FADS2: variants seen among roughly 807,000 people sequenced by gnomAD.
FADS2 encodes fatty acid desaturase 2, also known as acyl-CoA 6-desaturase.
In FADS2, 18 loss-of-function variants were observed where a neutral mutation model predicts 61.2. The observed-to-expected ratio is 0.29, with a 90% CI of 0.20 to 0.44. FADS2 has a LOEUF of 0.44. Ranked by LOEUF, FADS2 falls within the 20% of genes least tolerant of loss-of-function variation. The probability of loss-of-function intolerance (pLI) is 1.00; values close to 1 mark genes in which losing one functional copy is unlikely to be tolerated. For synonymous variants in FADS2, 203 were observed against 223.9 expected (o/e 0.91, Z 0.83); for missense variants, 322 against 572.7 (o/e 0.56, Z 4.47).
Position 61,816,844 on chromosome 11 carries a change from T to A in FADS2, c.141+418T>A. ...CCGCGGGCTCCAGGAGTGGATTTGC[T>A]GGCGCGCGCCCAGAGCCAGCCGCCT... On this transcript the variant is annotated intron_variant, in intron 1 of 11. Transcript: ENST00000257261. The surrounding 1 kb of genome is among the most constrained non-coding windows in gnomAD (Gnocchi z 7.0). 6.7e-7 allele frequency: 1 copy of A among 1,487,736 alleles called. No homozygotes were observed. Among genetic ancestry groups the A allele is most frequent in the Non-Finnish European group, 8.9e-7 (1 of 1,129,074 alleles). 92.2% of individuals were successfully genotyped at this position (1,487,736 alleles called of 1,614,324 possible).
Position 61,857,538 on chromosome 11 carries a change from G to A in FADS2, c.882+8G>A, listed in dbSNP as rs1160573118. 1 of 1,611,806 alleles carries A rather than the reference G, an allele frequency of 6.2e-7. No homozygotes were observed. Among genetic ancestry groups the A allele is most frequent in the Non-Finnish European group, 8.5e-7 (1 of 1,178,102 alleles). On this transcript the variant is annotated splice_region_variant and intron_variant, in intron 7 of 11. Coordinates refer to ENST00000278840, the MANE Select transcript of FADS2 (RefSeq NM_004265.4). Reference sequence around the variant, plus strand: ...GTCCATAAGAACTGGGTGGTGAGTTGGGGACACAGCTGGCTTGGCATGGGG... The same window carrying A: ...GTCCATAAGAACTGGGTGGTGAGTTAGGGACACAGCTGGCTTGGCATGGGG...
At chr11:61,833,400 G>A (rs961784163) in intron 1 of FADS2, among the ~76,000 whole-genome samples, 25 of 152,200 alleles carry the variant, frequency 1.6e-4, no homozygotes, top group East Asian at 5.8e-4. Flanking sequence ...TTCTGCCAGC[G>A]TTTGAGACAC....
intron 5 of FADS2, among the ~76,000 whole-genome samples, chr11:61,852,578 A>G (rs1399185536): frequency 6.6e-6 from 1 of 151,972 alleles, no homozygotes; most frequent in African/African-American, 2.4e-5. Flanking sequence ...GTACTTCTTT[A>G]TATGTCTCAT....
At chr11:61,847,022 C>T (rs1232531886) in intron 4 of FADS2, 1 of 151,504 alleles carries the variant, frequency 6.6e-6, no homozygotes, top group African/African-American at 2.4e-5. Flanking sequence ...TGATCTCTGC[C>T]TCCCGGGTTC....
intron 1 of FADS2, among the ~76,000 whole-genome samples, chr11:61,820,509 G>A (rs1055350206): frequency 7.2e-5 from 11 of 152,040 alleles, no homozygotes; most frequent in African/African-American, 2.7e-4. Context: ...CCTCCCTAAC[G>A]AGCTTATAAT....
chr11:61,865,468 T>A lies in FADS2; in HGVS notation c.1284-170T>A. On this transcript the variant is annotated intron_variant, in intron 11 of 11. Transcript: ENST00000278840. This position sits in a 1 kb window ranked among gnomAD's most constrained non-coding sequence, Gnocchi z 4.1. ...GAAGACCATCCCTTTCTGTGTGGGG[T>A]TCCTGGTGGGCTCTGAGCTGACAGC... 1.0e-6 allele frequency: 1 copy of A among 960,344 alleles called. No individual in the cohort carries two copies. The highest frequency in any genetic ancestry group is 2.6e-5 in the East Asian group (1 of 37,832). 59.5% of individuals were successfully genotyped at this position (960,344 alleles called of 1,614,324 possible).
upstream of FADS2, among the ~76,000 whole-genome samples, chr11:61,823,388 G>A (rs931709977): frequency 2.0e-5 from 3 of 152,152 alleles, no homozygotes; most frequent in East Asian, 1.9e-4. Flanking sequence ...TATGGGTTTC[G>A]GATCCCTTAT....
In FADS2 at chr11:61,853,822, C is replaced by T. The variant is rs1239914156; in HGVS notation, c.745-3189C>T. 2.6e-5 allele frequency among the ~76,000 whole-genome samples: 4 copies of T among 152,144 alleles called. 1 individual carries two copies. In the East Asian group the frequency reaches 5.8e-4, roughly 22 times the overall value. ...GTTTGCAGGTTCCCAGAGGCAGAGA[C>T]TGGGCTTTGCGACAGCTCCCCTCCC... On this transcript the variant is annotated intron_variant, in intron 5 of 11. Transcript: ENST00000278840.
Position 61,828,640 on chromosome 11 carries a change from G to A in FADS2, c.207+43G>A. The A allele has an allele frequency of 6.4e-7, 1 of 1,562,198 alleles. No homozygotes were observed. The highest frequency in any genetic ancestry group is 8.7e-7 in the Non-Finnish European group (1 of 1,144,934). Reference sequence around the variant, plus strand: ...CCCCAGCCACCCTTCTCTGCTGCAGGCGGAGTCAGGATCCCTGGCTCCCCG... The same window carrying A: ...CCCCAGCCACCCTTCTCTGCTGCAGACGGAGTCAGGATCCCTGGCTCCCCG... On this transcript the variant is annotated intron_variant, in intron 1 of 11. Transcript: ENST00000278840. This position sits in a 1 kb window ranked among gnomAD's most constrained non-coding sequence, Gnocchi z 6.4.
At chr11:61,863,882 T>C (rs2067438790) in intron 10 of FADS2, 96 bp downstream of exon 10, 1 of 996,900 alleles carries the variant, frequency 1.0e-6, no homozygotes, top group Non-Finnish European at 1.6e-6. Context: ...GGGCCACCTC[T>C]TTGTCTCTCT....
chr11:61,848,319 G>A (rs1299301967), intron 5 of FADS2, 35 bp downstream of exon 5: 13 of 1,610,610 alleles, frequency 8.1e-6, no homozygotes, highest in African/African-American at 1.3e-5. Flanking sequence ...CCTAGGAAGT[G>A]TTTGTCCTGG....
At chr11:61,855,918 TG>T (rs1196205526) in intron 5 of FADS2, 2 of 152,356 alleles carry the variant, frequency 1.3e-5, no homozygotes, top group African/African-American at 4.8e-5. Flanking sequence ...GGCAGTGTCC[TG>T]GGGTCAGCAC....
At chr11:61,820,997 G>A (rs376226840) in intron 1 of FADS2, among the ~76,000 whole-genome samples, 1 of 152,128 alleles carries the variant, frequency 6.6e-6, no homozygotes, top group Non-Finnish European at 1.5e-5. Context: ...GGCAAATGTC[G>A]TGTTGCCCTC....
chr11:61,844,096 C>T (rs1375254171), intron 4 of FADS2, among the ~76,000 whole-genome samples: 3 of 152,066 alleles, frequency 2.0e-5, no homozygotes, highest in African/African-American at 7.2e-5. Flanking sequence ...GTTCGTGTGT[C>T]ATTTTTTAAT....
chr11:61,861,365 A>AAAAAC (rs1555078419), intron 7 of FADS2, among the ~76,000 whole-genome samples: 15,612 of 130,814 alleles, frequency 0.12, 1,869 homozygotes, highest in Admixed American at 0.13. Flanking sequence ...AAAAAAAAAA[A>AAAAAC]AAAAAACAGA....
intron 6 of FADS2, 56 bp downstream of exon 6, chr11:61,857,127 C>A (rs374558244): frequency 2.1e-6 from 3 of 1,401,480 alleles, no homozygotes; most frequent in East Asian, 2.3e-5. Context: ...CCCAGAGTGG[C>A]GTGTCTCTCC....
chr11:61,846,351 A>G (rs761833605), intron 4 of FADS2, among the ~76,000 whole-genome samples: 15 of 151,012 alleles, frequency 9.9e-5, no homozygotes, highest in Non-Finnish European at 2.1e-4. Flanking sequence ...GCCTGACCTC[A>G]AGTGATCCAC....
chr11:61,849,941 GA>G (rs1400077850), intron 5 of FADS2: 1 of 151,936 alleles, frequency 6.6e-6, no homozygotes, highest in Non-Finnish European at 1.5e-5. Flanking sequence ...TGAGGTGGGG[GA>G]ATCACTTGAG....
intron 1 of FADS2, among the ~76,000 whole-genome samples, chr11:61,837,072 A>G (rs1565329109): frequency 6.6e-6 from 1 of 152,244 alleles, no homozygotes; most frequent in Non-Finnish European, 1.5e-5. Context: ...TGCCTTTTCT[A>G]ACTTGGCCAA....
Sources: allele counts gnomAD v4.1 joint callset (sites outside exome capture counted in the v4.1 genomes callset), GRCh38; gene constraint gnomAD v4.1.1; non-coding constraint Gnocchi (gnomAD v3.1); transcripts MANE v1.5; gene names NCBI Gene and HGNC (gene_info 2026-07-23, HGNC 2026-07-21).